The following GATAD2B variants were observed in gnomAD, a reference collection of about 807,000 sequenced individuals.
The protein encoded by GATAD2B is GATA zinc finger domain containing 2B.
A neutral mutation model predicts 64.3 loss-of-function variants in GATAD2B; 8 were observed. The ratio of observed to expected loss-of-function variants is 0.12; its 90% CI spans 0.07 to 0.22. GATAD2B has a LOEUF of 0.22. Among genes scored for constraint, GATAD2B ranks in the 10% least tolerant of loss-of-function variants. GATAD2B has a pLI of 1.00. For synonymous variants in GATAD2B, 281 were observed against 271.3 expected (o/e 1.04, Z -0.35); for missense variants, 453 against 752.0 (o/e 0.60, Z 4.65).
At chr1:153,848,531 T>C (rs1675768172) in intron 1 of GATAD2B, among the ~76,000 whole-genome samples, 1 of 152,190 alleles carries the variant, frequency 6.6e-6, no homozygotes, top group Non-Finnish European at 1.5e-5. Context: ...ACCTTCTAAC[T>C]GTAAAAATGA....
intron 1 of GATAD2B, among the ~76,000 whole-genome samples, chr1:153,873,141 T>C (rs1294517471): frequency 6.6e-6 from 1 of 152,178 alleles, no homozygotes; most frequent in Non-Finnish European, 1.5e-5. Context: ...CTTAGTATTA[T>C]TATGAAACTA....
chr1:153,842,855 A>T (rs1438437260), intron 1 of GATAD2B, among the ~76,000 whole-genome samples: 1 of 150,806 alleles, frequency 6.6e-6, no homozygotes, highest in Non-Finnish European at 1.5e-5. Context: ...GGGTTTCACC[A>T]TGTTGGTCAG....
intron 1 of GATAD2B, among the ~76,000 whole-genome samples, chr1:153,859,261 GGAGGCTGGGGTGGGAGGATTGCTT>G (rs1017863825): frequency 1.3e-5 from 2 of 151,838 alleles, no homozygotes; most frequent in Non-Finnish European, 2.9e-5. Context: ...CAGCTACTCA[GGAGGCTGGGGTGGGAGGATTGCTT>G]GAGCCTGGGG....
intron 1 of GATAD2B, among the ~76,000 whole-genome samples, chr1:153,900,616 A>G (rs1444372333): frequency 3.9e-5 from 6 of 152,070 alleles, no homozygotes; most frequent in Non-Finnish European, 7.4e-5. Context: ...CTTGGGTTCA[A>G]TCAACCCTTC....
At chr1:153,842,480 T>C (rs1019504243) in intron 1 of GATAD2B, among the ~76,000 whole-genome samples, 19 of 152,218 alleles carry the variant, frequency 1.2e-4, no homozygotes, top group Non-Finnish European at 4.4e-5. Context: ...TCTCTCCTCC[T>C]TCAGATGTTG....
intron 1 of GATAD2B, among the ~76,000 whole-genome samples, chr1:153,900,352 G>A (rs867530907): frequency 3.3e-5 from 5 of 151,828 alleles, no homozygotes; most frequent in Admixed American, 1.3e-4. Flanking sequence ...CCAGGGAGGC[G>A]GAGGTTACAG....
intron 1 of GATAD2B, among the ~76,000 whole-genome samples, chr1:153,880,625 G>C (rs936957611): frequency 4.0e-5 from 6 of 151,768 alleles, no homozygotes; most frequent in Non-Finnish European, 7.4e-5. Context: ...CCTTTGAATG[G>C]GAACAGAAAG....
chr1:153,872,934 A>G (rs1304948737), intron 1 of GATAD2B, among the ~76,000 whole-genome samples: 1 of 152,170 alleles, frequency 6.6e-6, no homozygotes, highest in Non-Finnish European at 1.5e-5. Flanking sequence ...AAATAAAATT[A>G]ATTTTTACTG....
intron 1 of GATAD2B, among the ~76,000 whole-genome samples, chr1:153,846,381 T>C (rs1675689058): frequency 6.6e-6 from 1 of 151,614 alleles, no homozygotes; most frequent in Non-Finnish European, 1.5e-5. Context: ...TACAGGTGTG[T>C]GCCACCAGTG....
At chr1:153,850,548 C>T (rs1675850687) in intron 1 of GATAD2B, among the ~76,000 whole-genome samples, 1 of 152,160 alleles carries the variant, frequency 6.6e-6, no homozygotes, top group Non-Finnish European at 1.5e-5. Context: ...GATCCGCCCA[C>T]ATCAGCCTCC....
chr1:153,922,504 A>G (rs1207517976), intron 1 of GATAD2B, among the ~76,000 whole-genome samples: 3 of 118,510 alleles, frequency 2.5e-5, no homozygotes, highest in Admixed American at 9.7e-5. Context: ...TGAGGTGAAG[A>G]AGGAGCGCGA....
At chr1:153,899,807 C>T (rs75582061) in intron 1 of GATAD2B, among the ~76,000 whole-genome samples, 3,246 of 152,212 alleles carry the variant, frequency 0.021, 65 homozygotes, top group Non-Finnish European at 0.035. Flanking sequence ...CCTGTTGGTG[C>T]GGTTGTAAAC....
chr1:153,815,295 A>AAC (rs1557780284), intron 7 of GATAD2B, among the ~76,000 whole-genome samples: 3 of 144,972 alleles, frequency 2.1e-5, no homozygotes, highest in Non-Finnish European at 4.6e-5. Flanking sequence ...AAAAAAAACA[A>AAC]AAAAAAAAAA....
At chr1:153,826,976 G>A (rs998312342) in intron 2 of GATAD2B, among the ~76,000 whole-genome samples, 2 of 150,486 alleles carry the variant, frequency 1.3e-5, no homozygotes. Flanking sequence ...GCTGGATGCT[G>A]TGGTGCATGT....
chr1:153,903,957 G>A (rs1371434188), intron 1 of GATAD2B, among the ~76,000 whole-genome samples: 5 of 151,938 alleles, frequency 3.3e-5, no homozygotes, highest in Non-Finnish European at 5.9e-5. Context: ...GCACTCCAGC[G>A]TTGGCAACAG....
chr1:153,815,303 A>AAAAAAAAAAAAAAAAG (rs1557780311), intron 7 of GATAD2B, among the ~76,000 whole-genome samples: 4 of 148,810 alleles, frequency 2.7e-5, no homozygotes, highest in African/African-American at 9.9e-5. Flanking sequence ...CAAAAAAAAA[A>AAAAAAAAAAAAAAAAG]AAAAGAAAAG....
chr1:153,903,520 T>C (rs1677839935), intron 1 of GATAD2B, among the ~76,000 whole-genome samples: 1 of 152,164 alleles, frequency 6.6e-6, no homozygotes, highest in African/African-American at 2.4e-5. Context: ...TAAAGTACTT[T>C]TGAGTACTAG....
At chr1:153,893,508 C>G (rs1417516904) in intron 1 of GATAD2B, among the ~76,000 whole-genome samples, 1 of 151,878 alleles carries the variant, frequency 6.6e-6, no homozygotes, top group African/African-American at 2.4e-5. Flanking sequence ...ACTCAAGAGG[C>G]TGAAGTGGGA....
At chr1:153,868,957 T>C (rs1676570067) in intron 1 of GATAD2B, among the ~76,000 whole-genome samples, 1 of 151,998 alleles carries the variant, frequency 6.6e-6, no homozygotes, top group Admixed American at 6.6e-5. Flanking sequence ...TGTGTAAATA[T>C]CCCATCTCCA....
Sources: gnomAD v4.1 joint callset for allele counts (sites outside exome capture counted in the v4.1 genomes callset) on GRCh38, gnomAD v4.1.1 for gene constraint, MANE v1.5 for transcripts, NCBI Gene and HGNC (gene_info 2026-07-23, HGNC 2026-07-21) for gene names.